WNT3: variants seen among roughly 807,000 people sequenced by gnomAD.
WNT3 encodes the protein proto-oncogene Wnt-3.
A neutral mutation model predicts 34.2 loss-of-function variants in WNT3; 7 were observed. That is an observed-to-expected ratio of 0.20 (90% confidence interval 0.12 to 0.38). The LOEUF (loss-of-function observed/expected upper bound fraction) is 0.38, where lower values mean the gene tolerates loss of function less well. Among genes scored for constraint, WNT3 ranks in the 10% least tolerant of loss-of-function variants. The pLI, the probability that WNT3 is intolerant of heterozygous loss-of-function variation, is 1.00. For synonymous variants in WNT3, 212 were observed against 211.5 expected (o/e 1.00, Z -0.02); for missense variants, 267 against 499.8 (o/e 0.53, Z 4.44).
intron 1 of WNT3, among the ~76,000 whole-genome samples, chr17:46,794,790 A>C: frequency 7.3e-6 from 1 of 136,966 alleles, no homozygotes; most frequent in African/African-American, 2.8e-5. Flanking sequence ...TTGCTCTGTC[A>C]CTCAGGCTGG....
chr17:46,807,431 G>T (rs1276688198), intron 1 of WNT3, among the ~76,000 whole-genome samples: 1 of 152,142 alleles, frequency 6.6e-6, no homozygotes, highest in African/African-American at 2.4e-5. Flanking sequence ...GCAGTGAGCC[G>T]AGATCATGCT....
chr17:46,773,834 G>A lies in WNT3; in HGVS notation c.156C>T (p.Val52=). ...PLLCGSIPGL[V]PKQLRFCRNY... ...TGCGGCAGAAGCGCAGTTGCTTGGG[G>A]ACCAGGCCTGGGATGGAGCCGCAGA... The change falls in exon 2 of 5, where the codon GTC becomes GTT. Residue 52 remains valine, a synonymous_variant. Transcript: ENST00000225512. 2.5e-6 allele frequency: 4 copies of A among 1,613,330 alleles called. No individual in the cohort carries two copies. Among genetic ancestry groups the A allele is most frequent in the East Asian group, 4.5e-5 (2 of 44,876 alleles).
chr17:46,817,803 A>G (rs2084372183), intron 1 of WNT3, among the ~76,000 whole-genome samples: 1 of 152,184 alleles, frequency 6.6e-6, no homozygotes. Context: ...TCAAAGAACA[A>G]CAAGCCTACC....
chr17:46,788,813 T>C (rs2083941513), intron 1 of WNT3, among the ~76,000 whole-genome samples: 1 of 152,048 alleles, frequency 6.6e-6, no homozygotes, highest in Non-Finnish European at 1.5e-5. Flanking sequence ...CCCAGTCCTT[T>C]CCTTCGTCTC....
intron 1 of WNT3, among the ~76,000 whole-genome samples, chr17:46,782,586 G>A (rs539894549): frequency 1.3e-5 from 2 of 152,372 alleles, no homozygotes; most frequent in East Asian, 3.9e-4. Flanking sequence ...TTCCACTTAG[G>A]TCAAGAAGCC....
At chr17:46,802,406 C>T (rs2146445265) in intron 1 of WNT3, among the ~76,000 whole-genome samples, 2 of 152,346 alleles carry the variant, frequency 1.3e-5, no homozygotes, top group South Asian at 4.1e-4. Context: ...ACTGGGATTA[C>T]AGGCACCTGC....
At chr17:46,779,892 G>A (rs2059445682) in intron 1 of WNT3, among the ~76,000 whole-genome samples, 1 of 152,136 alleles carries the variant, frequency 6.6e-6, no homozygotes, top group Non-Finnish European at 1.5e-5. Flanking sequence ...TCAAGTAGCT[G>A]GGATAAGAGG....
intron 1 of WNT3, among the ~76,000 whole-genome samples, chr17:46,785,583 C>T (rs982615324): frequency 1.3e-5 from 2 of 152,260 alleles, no homozygotes; most frequent in Non-Finnish European, 2.9e-5. Flanking sequence ...TAGCAACTCC[C>T]TTCTGCCCGC....
intron 1 of WNT3, among the ~76,000 whole-genome samples, chr17:46,789,260 T>C (rs561210333): frequency 6.6e-6 from 1 of 152,286 alleles, no homozygotes; most frequent in East Asian, 1.9e-4. Context: ...GGCACCTACC[T>C]GGACTGTCCC....
intron 1 of WNT3, among the ~76,000 whole-genome samples, chr17:46,816,257 G>A (rs535256169): frequency 6.6e-6 from 1 of 151,500 alleles, no homozygotes; most frequent in Non-Finnish European, 1.5e-5. Context: ...ACTTCTCTCT[G>A]TCTCTTACAC....
At chr17:46,810,306 C>T (rs1178556344) in intron 1 of WNT3, among the ~76,000 whole-genome samples, 1 of 152,204 alleles carries the variant, frequency 6.6e-6, no homozygotes, top group African/African-American at 2.4e-5. Flanking sequence ...CATGCCCAGC[C>T]TTCTTATTCC....
intron 1 of WNT3, among the ~76,000 whole-genome samples, chr17:46,784,601 G>T (rs2059486739): frequency 6.6e-6 from 1 of 152,102 alleles, no homozygotes; most frequent in African/African-American, 2.4e-5. Context: ...AGGCTGGAAA[G>T]GTGGGCTCTC....
At chr17:46,815,951 A>G (rs1315675302) in intron 1 of WNT3, among the ~76,000 whole-genome samples, 4 of 152,190 alleles carry the variant, frequency 2.6e-5, no homozygotes, top group Non-Finnish European at 5.9e-5. Context: ...TGGGGACAGG[A>G]TCACAGGCGG....
intron 1 of WNT3, among the ~76,000 whole-genome samples, chr17:46,809,693 T>C (rs768256163): frequency 1.2e-4 from 19 of 152,214 alleles, no homozygotes; most frequent in African/African-American, 2.4e-5. Flanking sequence ...AATCTCACTC[T>C]GGGTCTGGCC....
intron 2 of WNT3, among the ~76,000 whole-genome samples, chr17:46,771,377 G>A (rs1406676746): frequency 1.3e-5 from 2 of 151,734 alleles, no homozygotes; most frequent in African/African-American, 2.4e-5. Flanking sequence ...CGGGGAAGAG[G>A]GGCCGAGGGC....
At chr17:46,771,865 A>G (rs1275083306) in intron 2 of WNT3, among the ~76,000 whole-genome samples, 1 of 140,988 alleles carries the variant, frequency 7.1e-6, no homozygotes, top group Non-Finnish European at 1.6e-5. Flanking sequence ...CAGGCCGCCC[A>G]GGCCCCTCCG....
At position 46,769,945 on chromosome 17, in the gene WNT3, G is replaced by A; in HGVS notation, c.426C>T (p.Asp142=). 1 of 1,613,218 alleles carries A rather than the reference G, an allele frequency of 6.2e-7. No homozygotes were observed. Among genetic ancestry groups the A allele is most frequent in the South Asian group, 1.1e-5 (1 of 91,056 alleles). ...AEGTSTICGC[D]SHHKGPPGEG... ...CGCCAGGCGGCCCCTTATGATGCGA[G>A]TCACAGCCGCAAATGGTGGAGGTGC... Residue 142 remains aspartate (D), a synonymous_variant, in exon 3 of 5, where the codon GAC becomes GAT. Transcript: ENST00000225512.
chr17:46,802,564 G>A lies in WNT3; in HGVS notation c.80+15954C>T, dbSNP rs543706422. 1.7e-4 allele frequency among the ~76,000 whole-genome samples: 26 copies of A among 152,232 alleles called. No homozygotes were observed. In the South Asian group the frequency reaches 4.4e-3, roughly 26 times the overall value. ...ATTACAGGTGTGAGCCACCGTGCCC[G>A]GCCAAGATTAGAGGGTTGGACTCCC... On this transcript the variant is annotated intron_variant, in intron 1 of 4. Coordinates refer to ENST00000225512, the MANE Select transcript of WNT3 (RefSeq NM_030753.5).
intron 1 of WNT3, among the ~76,000 whole-genome samples, chr17:46,777,995 A>G (rs2059426091): frequency 6.6e-6 from 1 of 152,206 alleles, no homozygotes; most frequent in Non-Finnish European, 1.5e-5. Flanking sequence ...TGATCTCAGC[A>G]ATTTTCTTAA....
Sources: allele counts gnomAD v4.1 joint callset (sites outside exome capture counted in the v4.1 genomes callset), GRCh38; gene constraint gnomAD v4.1.1; transcripts MANE v1.5; gene names NCBI Gene and HGNC (gene_info 2026-07-23, HGNC 2026-07-21).